The following DCC variants were observed in gnomAD, a reference collection of about 807,000 sequenced individuals.
DCC encodes netrin receptor DCC.
Under a neutral mutation model 172.5 loss-of-function variants are expected in DCC, and 58 were observed. That is an observed-to-expected ratio of 0.34 (90% CI 0.27 to 0.42). The LOEUF (loss-of-function observed/expected upper bound fraction) is 0.42, where lower values mean the gene tolerates loss of function less well. DCC is among the 10% of genes least tolerant of loss of function. DCC has a pLI of 1.00. For synonymous variants in DCC, 709 were observed against 644.5 expected, an observed-to-expected ratio of 1.10 and a Z score of -1.52; for missense variants, 1,740 against 1,791.0, an observed-to-expected ratio of 0.97 and a Z score of 0.51.
chr18:53,212,454 T>C (rs1441628891), intron 11 of DCC, among the ~76,000 whole-genome samples: 2 of 152,086 alleles, frequency 1.3e-5, no homozygotes, highest in Non-Finnish European at 2.9e-5. Context: ...ATATGGAAAT[T>C]GATAGTGAGA....
intron 7 of DCC, among the ~76,000 whole-genome samples, chr18:53,130,206 CAT>C (rs1219601560): frequency 6.6e-6 from 1 of 152,082 alleles, no homozygotes; most frequent in Non-Finnish European, 1.5e-5. Context: ...TAGTAGGCAA[CAT>C]TACTAAATGA....
At chr18:53,150,501 A>G (rs1474549386) in intron 7 of DCC, among the ~76,000 whole-genome samples, 5 of 152,224 alleles carry the variant, frequency 3.3e-5, no homozygotes, top group African/African-American at 9.6e-5. Context: ...TCTTTCACAG[A>G]GCATACAATT....
chr18:52,992,531 A>T (rs1391306971), intron 5 of DCC, among the ~76,000 whole-genome samples: 1 of 152,150 alleles, frequency 6.6e-6, no homozygotes, highest in Non-Finnish European at 1.5e-5. Context: ...TTCTACGGCT[A>T]TAGACTGAGA....
intron 12 of DCC, among the ~76,000 whole-genome samples, chr18:53,275,442 C>T (rs769712322): frequency 7.9e-5 from 12 of 152,054 alleles, no homozygotes; most frequent in African/African-American, 1.7e-4. Flanking sequence ...TCTAACTAAA[C>T]GTGTCACAGA....
chr18:53,127,590 G>C (rs2144308195), intron 7 of DCC, among the ~76,000 whole-genome samples: 1 of 152,168 alleles, frequency 6.6e-6, no homozygotes, highest in East Asian at 1.9e-4. Flanking sequence ...TGCATCATTT[G>C]GATCTGTTTA....
At chr18:52,813,051 C>T (rs2038229856) in intron 2 of DCC, among the ~76,000 whole-genome samples, 1 of 152,174 alleles carries the variant, frequency 6.6e-6, no homozygotes. Flanking sequence ...GAAGAGAACA[C>T]ATGGGCTTAA....
At chr18:52,345,893 A>G (rs17816136) in intron 1 of DCC, among the ~76,000 whole-genome samples, 10,713 of 152,296 alleles carry the variant, frequency 0.07, 690 homozygotes, top group East Asian at 0.31. Flanking sequence ...AGAGCTCACA[A>G]TCTTTAAGAG....
intron 5 of DCC, among the ~76,000 whole-genome samples, chr18:53,059,772 A>T (rs921600860): frequency 6.6e-6 from 1 of 152,068 alleles, no homozygotes; most frequent in African/African-American, 2.4e-5. Context: ...AACTTCTTCT[A>T]CTCATCTTCT....
chr18:53,127,219 C>G (rs2043574487), intron 7 of DCC, among the ~76,000 whole-genome samples: 1 of 143,832 alleles, frequency 7.0e-6, no homozygotes, highest in African/African-American at 2.6e-5. Context: ...GTTGCCCGGT[C>G]TGGTCTTGAA....
chr18:53,515,287 T>G (rs2144561446), intron 27 of DCC, among the ~76,000 whole-genome samples: 1 of 151,752 alleles, frequency 6.6e-6, no homozygotes, highest in East Asian at 1.9e-4. Flanking sequence ...TAGGTATTGA[T>G]GGGACGTATT....
intron 9 of DCC, among the ~76,000 whole-genome samples, chr18:53,190,902 C>T (rs1157857066): frequency 6.6e-6 from 1 of 152,074 alleles, no homozygotes; most frequent in Non-Finnish European, 1.5e-5. Flanking sequence ...GCCGAGATCG[C>T]GTCACTGCAC....
At chr18:52,644,963 C>A (rs1236953110) in intron 1 of DCC, among the ~76,000 whole-genome samples, 1 of 151,172 alleles carries the variant, frequency 6.6e-6, no homozygotes, top group Non-Finnish European at 1.5e-5. Context: ...GAGTAGGAGG[C>A]AGCTTTTTCT....
At chr18:52,925,514 G>T (rs1202993710) in intron 5 of DCC, 144 bp downstream of exon 5, 1 of 836,072 alleles carries the variant, frequency 1.2e-6, no homozygotes, top group African/African-American at 1.7e-5. Flanking sequence ...TCCTTGCTTT[G>T]CTCTGATTAA....
At chr18:53,107,682 T>C (rs2043271284) in intron 7 of DCC, among the ~76,000 whole-genome samples, 1 of 151,812 alleles carries the variant, frequency 6.6e-6, no homozygotes, top group African/African-American at 2.4e-5. Flanking sequence ...TAGGTGACCA[T>C]GTGTTACTTA....
chr18:53,125,506 T>A (rs1237833320), intron 7 of DCC, among the ~76,000 whole-genome samples: 2 of 152,138 alleles, frequency 1.3e-5, no homozygotes, highest in Non-Finnish European at 2.9e-5. Context: ...CTTAGCAACT[T>A]TTTCTTTATT....
In DCC at chr18:53,416,480, A is replaced by T. The variant is rs1173993625; in HGVS notation, c.3163+324A>T. 4 of 456,114 alleles carry T rather than the reference A, an allele frequency of 8.8e-6. No homozygotes were observed. In the East Asian group the frequency reaches 1.8e-4, roughly 20 times the overall value. 28.3% of individuals were successfully genotyped at this position (456,114 alleles called of 1,614,324 possible). On this transcript the variant is annotated intron_variant, in intron 21 of 28. Transcript: ENST00000442544. ...CACATTAAGTATAATTAAGCTCAGC[A>T]TAATTTTCAAGCTGCTCTTGCACCC...
At position 52,963,557 on chromosome 18, in the gene DCC, G is replaced by T. The variant is rs114828239; in HGVS notation, c.985+38187G>T. Among the ~76,000 whole-genome samples the T allele has an allele frequency of 5.6e-3, 860 of 152,260 alleles. 8 individuals are homozygous for T. Among genetic ancestry groups the T allele is most frequent in the African/African-American group, 0.02 (826 of 41,556 alleles). The stretch of plus-strand genomic sequence containing the variant: ...GTCAGGTCTGGGGCACACTGAGCAT[G>T]TGTCCTGGGAAATAGTGAAGCAGGA... On this transcript the variant is annotated intron_variant, in intron 5 of 28. Coordinates refer to ENST00000442544, the MANE Select transcript of DCC (RefSeq NM_005215.4).
intron 5 of DCC, among the ~76,000 whole-genome samples, chr18:53,054,289 T>C (rs1452083933): frequency 2.6e-5 from 4 of 152,086 alleles, no homozygotes; most frequent in African/African-American, 9.7e-5. Flanking sequence ...GGACCAGCTA[T>C]ATAAAATCTT....
chr18:53,526,115 A>G (rs2046451824), intron 27 of DCC, among the ~76,000 whole-genome samples: 1 of 136,998 alleles, frequency 7.3e-6, no homozygotes, highest in South Asian at 2.5e-4. Flanking sequence ...ATAGAATTAA[A>G]AATGATAGTC....
Sources: gnomAD v4.1 joint callset for allele counts (sites outside exome capture counted in the v4.1 genomes callset) on GRCh38, gnomAD v4.1.1 for gene constraint, MANE v1.5 for transcripts, NCBI Gene and HGNC (gene_info 2026-07-23, HGNC 2026-07-21) for gene names.